ITGB6: variants seen among roughly 807,000 people sequenced by gnomAD.
ITGB6 encodes integrin subunit beta 6, also known as integrin beta-6.
ITGB6 carries 80 observed loss-of-function variants against 84.5 expected under a neutral mutation model. The observed-to-expected ratio is 0.95, with a 90% confidence interval of 0.79 to 1.14. The LOEUF is 1.14. ITGB6 is among the 50% of genes most tolerant of loss of function. ITGB6 has a pLI of 0.00. For missense variants in ITGB6, 1,006 were observed against 968.0 expected, an observed-to-expected ratio of 1.04 and a Z score of -0.52; for synonymous variants, 383 against 354.9, an observed-to-expected ratio of 1.08 and a Z score of -0.89.
intron 14 of ITGB6, among the ~76,000 whole-genome samples, chr2:160,104,886 T>C (rs907807766): frequency 9.2e-5 from 14 of 152,354 alleles, no homozygotes; most frequent in Non-Finnish European, 1.3e-4. Flanking sequence ...AGTGAAGACC[T>C]TTCTGTCTTA....
chr2:160,118,089 G>A (rs1347915748), intron 12 of ITGB6, among the ~76,000 whole-genome samples: 2 of 152,160 alleles, frequency 1.3e-5, no homozygotes, highest in East Asian at 1.9e-4. Context: ...AGAGGTACAA[G>A]GAGGAGCTGG....
At chr2:160,144,424 T>C (rs1403393965) in intron 7 of ITGB6, among the ~76,000 whole-genome samples, 1 of 152,226 alleles carries the variant, frequency 6.6e-6, no homozygotes, top group African/African-American at 2.4e-5. Context: ...AATAAACATA[T>C]GTCACAAAGG....
intron 10 of ITGB6, among the ~76,000 whole-genome samples, chr2:160,133,809 C>G (rs551528795): frequency 2.5e-4 from 38 of 152,168 alleles, no homozygotes; most frequent in Non-Finnish European, 4.1e-4. Context: ...ATGACTACTG[C>G]GTACATAACA....
At chr2:160,161,673 G>A (rs1684820293) in intron 7 of ITGB6, among the ~76,000 whole-genome samples, 1 of 150,296 alleles carries the variant, frequency 6.7e-6, no homozygotes, top group African/African-American at 2.4e-5. Flanking sequence ...TCTTCTTTGG[G>A]TTTTCTGTAT....
In ITGB6 at chr2:160,138,207, T is replaced by C. The variant is rs769114214; in HGVS notation, c.1108-8A>G. 1.9e-6 allele frequency: 3 copies of C among 1,601,120 alleles called. No individual in the cohort carries two copies. The highest frequency in any genetic ancestry group is 8.5e-7 in the Non-Finnish European group (1 of 1,176,266). ...CACCTCAGACCGCAGTTCCTTTAGT[T>C]ACAACATAAAGAGTTCAGTGAAGTC... is the stretch of plus-strand genomic sequence containing the variant. On this transcript the variant is annotated splice_region_variant and splice_polypyrimidine_tract_variant and intron_variant, in intron 8 of 14. Transcript: ENST00000283249.
At chr2:160,104,619 A>G (rs943220471) in intron 14 of ITGB6, among the ~76,000 whole-genome samples, 8 of 152,226 alleles carry the variant, frequency 5.3e-5, no homozygotes, top group Non-Finnish European at 1.2e-4. Flanking sequence ...ATGATCGCCC[A>G]ACTGCCAAAC....
Position 160,158,343 on chromosome 2 carries a change from C to T in ITGB6, c.1017+10869G>A, listed in dbSNP as rs112480045. On this transcript the variant is annotated intron_variant, in intron 7 of 14. Coordinates refer to ENST00000283249, the MANE Select transcript of ITGB6 (RefSeq NM_000888.5). ...TGGAGCACACAGCTGAGCGAGTGCT[C>T]GGCAGCAGTAACAGAGTGATAAGGG... 7.2e-3 allele frequency among the ~76,000 whole-genome samples: 1,100 copies of T among 152,236 alleles called. 16 individuals carry two copies. The highest frequency in any genetic ancestry group is 0.025 in the African/African-American group (1,058 of 41,534).
In ITGB6 at chr2:160,130,051, G is replaced by A. The variant is rs530802346; in HGVS notation, c.1661-3450C>T. ...ATTGTGTAAACACCATAGAGTATAT[G>A]TACACAAACTTAGATGGTAAACCTG... On this transcript the variant is annotated intron_variant, in intron 10 of 14. Transcript: ENST00000283249. Among the ~76,000 whole-genome samples the A allele has an allele frequency of 1.7e-4, 26 of 151,994 alleles. No homozygotes were observed. The East Asian group carries it at 3.7e-3, about 22-fold the overall frequency.
chr2:160,150,307 A>G (rs1334721127), intron 7 of ITGB6, among the ~76,000 whole-genome samples: 1 of 152,246 alleles, frequency 6.6e-6, no homozygotes, highest in African/African-American at 2.4e-5. Context: ...AATATTCAAC[A>G]TCCTTAAAGA....
Position 160,169,340 on chromosome 2 carries a change from C to T in ITGB6, c.922-33G>A, listed in dbSNP as rs144794648. 3.4e-3 allele frequency: 3,961 copies of T among 1,178,906 alleles called. 14 individuals carry two copies. Among genetic ancestry groups the T allele is most frequent in the Non-Finnish European group, 4.0e-3 (3,290 of 813,162 alleles). 73.0% of individuals were successfully genotyped at this position (1,178,906 alleles called of 1,614,324 possible). A position where few individuals can be genotyped will look rare whatever the true frequency, so the allele number is the denominator to read the frequency against. Reference sequence around the variant, plus strand: ...TAACATATATAATTTTGCATCATCTCAATAAAATAATGTAAATAAAGAAAG... The same window carrying T: ...TAACATATATAATTTTGCATCATCTTAATAAAATAATGTAAATAAAGAAAG... On this transcript the variant is annotated intron_variant, in intron 6 of 14. Coordinates refer to ENST00000283249, the MANE Select transcript of ITGB6 (RefSeq NM_000888.5).
intron 12 of ITGB6, among the ~76,000 whole-genome samples, chr2:160,115,158 C>T (rs1682709722): frequency 6.6e-6 from 1 of 152,226 alleles, no homozygotes; most frequent in South Asian, 2.1e-4. Context: ...GTGGTTCTCC[C>T]AGCACACAGC....
At chr2:160,142,281 AC>A in intron 7 of ITGB6, among the ~76,000 whole-genome samples, 1 of 152,200 alleles carries the variant, frequency 6.6e-6, no homozygotes, top group African/African-American at 2.4e-5. Context: ...CAGAGTCAGC[AC>A]TGGGGAAATC....
chr2:160,136,579 C>T (rs62177941), intron 10 of ITGB6, among the ~76,000 whole-genome samples: 23,436 of 152,222 alleles, frequency 0.15, 2,422 homozygotes, highest in Non-Finnish European at 0.24. Flanking sequence ...AGAAACCATG[C>T]TGCTATAAAG....
intron 14 of ITGB6, among the ~76,000 whole-genome samples, chr2:160,107,266 G>A (rs186750444): frequency 1.9e-4 from 29 of 152,028 alleles, no homozygotes; most frequent in Non-Finnish European, 3.5e-4. Context: ...ATGAATTATC[G>A]TACTATTTAT....
intron 10 of ITGB6, among the ~76,000 whole-genome samples, chr2:160,133,206 G>C (rs1237672079): frequency 6.6e-6 from 1 of 152,056 alleles, no homozygotes; most frequent in East Asian, 1.9e-4. Flanking sequence ...CAAAATAAAG[G>C]GATGGAGGAA....
intron 8 of ITGB6, among the ~76,000 whole-genome samples, chr2:160,139,120 G>A (rs1226338012): frequency 2.6e-5 from 4 of 152,080 alleles, no homozygotes; most frequent in African/African-American, 9.7e-5. Flanking sequence ...TTATCATTTT[G>A]CTTTCTCTAT....
At chr2:160,106,515 G>A (rs918545873) in intron 14 of ITGB6, among the ~76,000 whole-genome samples, 8 of 152,236 alleles carry the variant, frequency 5.3e-5, no homozygotes, top group Admixed American at 3.3e-4. Context: ...CTAAGATTAC[G>A]GTGTGAGCCA....
chr2:160,141,403 G>T (rs1683994285), intron 8 of ITGB6, among the ~76,000 whole-genome samples: 1 of 152,090 alleles, frequency 6.6e-6, no homozygotes, highest in Admixed American at 6.6e-5. Context: ...TAATTTTAAG[G>T]GAGGAATTCT....
intron 13 of ITGB6, among the ~76,000 whole-genome samples, chr2:160,110,598 C>T (rs962708781): frequency 5.3e-5 from 8 of 152,112 alleles, no homozygotes; most frequent in African/African-American, 1.2e-4. Context: ...GAAGTCCCTC[C>T]GGACTGTGGG....
Sources: allele counts gnomAD v4.1 joint callset (sites outside exome capture counted in the v4.1 genomes callset), GRCh38; gene constraint gnomAD v4.1.1; transcripts MANE v1.5; gene names NCBI Gene and HGNC (gene_info 2026-07-23, HGNC 2026-07-21).